The following BNC2 variants were observed in gnomAD, a reference collection of about 807,000 sequenced individuals.
BNC2 encodes basonuclin zinc finger protein 2.
BNC2 carries 20 observed loss-of-function variants against 76.3 expected under a neutral mutation model. That is an observed-to-expected ratio of 0.26 (90% CI 0.18 to 0.38). BNC2 has a LOEUF of 0.38. Among genes scored for constraint, BNC2 ranks in the 10% least tolerant of loss-of-function variants. The probability of loss-of-function intolerance (pLI) is 1.00; values close to 1 mark genes in which losing one functional copy is unlikely to be tolerated. For synonymous variants in BNC2, 582 were observed against 514.8 expected, an observed-to-expected ratio of 1.13 and a Z score of -1.77; for missense variants, 1,382 against 1,399.8, an observed-to-expected ratio of 0.99 and a Z score of 0.20.
At position 16,631,597 on chromosome 9, in the gene BNC2, C is replaced by T. The variant is rs375064439; in HGVS notation, c.331-48512G>A. Among the ~76,000 whole-genome samples the T allele has an allele frequency of 5.5e-4, 83 of 152,202 alleles. 1 individual carries two copies. The highest frequency in any genetic ancestry group is 2.8e-4 in the Non-Finnish European group (19 of 68,030). ...GAAGCATTCAAAGTTTTTCATTCTG[C>T]AACTGAGAGGGCTGGTATGAACAAT... On this transcript the variant is annotated intron_variant, in intron 3 of 6. Transcript: ENST00000380672.
intron 3 of BNC2, among the ~76,000 whole-genome samples, chr9:16,653,560 C>G (rs892291990): frequency 3.3e-5 from 5 of 152,084 alleles, no homozygotes; most frequent in Non-Finnish European, 1.5e-5. Context: ...AAGGAGCACT[C>G]TGGGGGCCTG....
intron 5 of BNC2, among the ~76,000 whole-genome samples, chr9:16,494,854 T>C (rs950884267): frequency 6.6e-6 from 1 of 152,056 alleles, no homozygotes; most frequent in Non-Finnish European, 1.5e-5. Flanking sequence ...GGGGGAGGGA[T>C]AGCATTAGGA....
intron 5 of BNC2, among the ~76,000 whole-genome samples, chr9:16,525,517 A>G (rs1207994675): frequency 6.6e-6 from 1 of 152,228 alleles, no homozygotes; most frequent in African/African-American, 2.4e-5. Context: ...TTACTCATTA[A>G]GAGAAATGCA....
At chr9:16,836,517 GA>G (rs34325739) in intron 1 of BNC2, among the ~76,000 whole-genome samples, 8,108 of 122,864 alleles carry the variant, frequency 0.066, 391 homozygotes, top group East Asian at 0.18. Flanking sequence ...CCTTTCAGGA[GA>G]AAAAAAAAAA....
chr9:16,496,336 A>G (rs915365025), intron 5 of BNC2, among the ~76,000 whole-genome samples: 1 of 152,178 alleles, frequency 6.6e-6, no homozygotes, highest in South Asian at 2.1e-4. Flanking sequence ...CGGAGTCTAC[A>G]TTTTCTCCCT....
At chr9:16,621,028 A>G (rs1174767668) in intron 3 of BNC2, among the ~76,000 whole-genome samples, 1 of 152,208 alleles carries the variant, frequency 6.6e-6, no homozygotes, top group Non-Finnish European at 1.5e-5. Flanking sequence ...AAGCTCTTCC[A>G]GAAAACTCAC....
chr9:16,786,397 A>C (rs1826294574), intron 1 of BNC2, among the ~76,000 whole-genome samples: 1 of 152,178 alleles, frequency 6.6e-6, no homozygotes, highest in Non-Finnish European at 1.5e-5. Context: ...AACAGGACTT[A>C]GAATTTTACA....
At chr9:16,863,885 T>C (rs1371683494) in intron 1 of BNC2, among the ~76,000 whole-genome samples, 1 of 152,106 alleles carries the variant, frequency 6.6e-6, no homozygotes, top group Non-Finnish European at 1.5e-5. Flanking sequence ...ACAAAAATAT[T>C]TTATTTACCC....
chr9:16,782,347 ATGAG>A (rs932599717), intron 1 of BNC2, among the ~76,000 whole-genome samples: 10 of 152,150 alleles, frequency 6.6e-5, no homozygotes, highest in African/African-American at 2.4e-4. Flanking sequence ...TTTAGAATAA[ATGAG>A]TATTTCTATC....
intron 1 of BNC2, among the ~76,000 whole-genome samples, chr9:16,800,722 AT>A (rs1398878668): frequency 3.3e-5 from 5 of 152,162 alleles, no homozygotes; most frequent in African/African-American, 1.2e-4. Flanking sequence ...CAGCCTAGTG[AT>A]TTTAAATGCC....
At chr9:16,425,140 T>A (rs1563776951) in intron 6 of BNC2, among the ~76,000 whole-genome samples, 1 of 152,196 alleles carries the variant, frequency 6.6e-6, no homozygotes. Context: ...ATTAAAAGTA[T>A]GAAACTCAGT....
intron 3 of BNC2, among the ~76,000 whole-genome samples, chr9:16,592,904 A>C (rs1245340843): frequency 2.0e-5 from 3 of 152,148 alleles, no homozygotes; most frequent in African/African-American, 7.2e-5. Flanking sequence ...AATCCTTTCT[A>C]CTTTGAAAAT....
At chr9:16,853,197 C>A (rs1205517981) in intron 1 of BNC2, among the ~76,000 whole-genome samples, 5 of 152,046 alleles carry the variant, frequency 3.3e-5, no homozygotes, top group Non-Finnish European at 5.9e-5. Context: ...GCAGGCGGAT[C>A]ACTTAAGGTC....
chr9:16,479,358 T>G (rs1007107408), intron 5 of BNC2, among the ~76,000 whole-genome samples: 1 of 152,128 alleles, frequency 6.6e-6, no homozygotes, highest in Admixed American at 6.5e-5. Context: ...GGTGTGTTCA[T>G]GTGTGTGTTT....
intron 2 of BNC2, among the ~76,000 whole-genome samples, chr9:16,733,978 T>C (rs1045206945): frequency 6.6e-6 from 1 of 152,188 alleles, no homozygotes; most frequent in Non-Finnish European, 1.5e-5. Context: ...TTATGAGAGA[T>C]GAAACACTCC....
intron 1 of BNC2, among the ~76,000 whole-genome samples, chr9:16,844,588 A>C (rs533533180): frequency 9.7e-5 from 14 of 144,276 alleles, no homozygotes; most frequent in African/African-American, 2.9e-4. Context: ...ACCTCCGCCT[A>C]CCAGGTTCAA....
intron 5 of BNC2, among the ~76,000 whole-genome samples, chr9:16,496,432 T>C (rs923757692): frequency 6.6e-6 from 1 of 152,212 alleles, no homozygotes; most frequent in Non-Finnish European, 1.5e-5. Flanking sequence ...AGCACCATTA[T>C]TGTGACAATG....
intron 4 of BNC2, among the ~76,000 whole-genome samples, chr9:16,555,290 C>T (rs1013625969): frequency 6.6e-6 from 1 of 151,796 alleles, no homozygotes; most frequent in African/African-American, 2.4e-5. Context: ...CCCAAAGTGC[C>T]GGGATTACAG....
intron 1 of BNC2, among the ~76,000 whole-genome samples, chr9:16,754,398 A>G (rs958311045): frequency 8.5e-5 from 13 of 152,198 alleles, no homozygotes; most frequent in African/African-American, 2.7e-4. Flanking sequence ...CCCCAACCCA[A>G]CAAACTTGCA....
Sources: gnomAD v4.1 joint callset for allele counts (sites outside exome capture counted in the v4.1 genomes callset) on GRCh38, gnomAD v4.1.1 for gene constraint, MANE v1.5 for transcripts, NCBI Gene and HGNC (gene_info 2026-07-23, HGNC 2026-07-21) for gene names.